Variants in LANCL2 observed in about 807,000 individuals in gnomAD.
The protein encoded by LANCL2 is LanC like glutathione S-transferase 2.
LANCL2 carries 33 observed loss-of-function variants against 56.9 expected under a neutral mutation model. That is an observed-to-expected ratio of 0.58 (90% CI 0.44 to 0.78). The LOEUF (loss-of-function observed/expected upper bound fraction) is 0.78. LANCL2 is among the 30% of genes least tolerant of loss of function. The pLI is 0.00. For missense variants in LANCL2, 562 were observed against 580.2 expected, an observed-to-expected ratio of 0.97 and a Z score of 0.32; for synonymous variants, 233 against 228.2, an observed-to-expected ratio of 1.02 and a Z score of -0.19.
intron 5 of LANCL2, among the ~76,000 whole-genome samples, chr7:55,411,667 A>G (rs1432079337): frequency 6.6e-6 from 1 of 152,196 alleles, no homozygotes; most frequent in Non-Finnish European, 1.5e-5. Flanking sequence ...TTCCTTTACT[A>G]CTCTCTTAGG....
At position 55,400,074 on chromosome 7, in the gene LANCL2, A is replaced by G; in HGVS notation, c.648A>G (p.Pro216=). 1 of 1,610,870 alleles carries G rather than the reference A, an allele frequency of 6.2e-7. No homozygotes were observed. The highest frequency in any genetic ancestry group is 2.2e-5 in the East Asian group (1 of 44,868). ...ALLYLNTEIG[P]GTVCESAIKE... ...TGTACCTGAACACAGAGATAGGTCCAGGCACCGTGTGTGAGTCAGCTATTA... is the reference window on the plus strand; with the variant it reads ...TGTACCTGAACACAGAGATAGGTCCGGGCACCGTGTGTGAGTCAGCTATTA... The change falls in exon 4 of 9, where the codon CCA becomes CCG. Residue 216 remains proline (P), a synonymous_variant. Transcript: ENST00000254770.
At chr7:55,384,072 G>T (rs192265299) in intron 1 of LANCL2, among the ~76,000 whole-genome samples, 2 of 151,852 alleles carry the variant, frequency 1.3e-5, no homozygotes, top group Admixed American at 1.3e-4. Context: ...ATTATCCAGT[G>T]TGCAAAACAG....
intron 2 of LANCL2, chr7:55,396,939 A>C (rs1164656673): frequency 6.6e-6 from 1 of 152,122 alleles, no homozygotes; most frequent in African/African-American, 2.4e-5. Context: ...ATATTTTTTG[A>C]ATACAGAAAA....
chr7:55,415,174 G>T (rs913755034), intron 6 of LANCL2, among the ~76,000 whole-genome samples: 2 of 152,064 alleles, frequency 1.3e-5, no homozygotes, highest in African/African-American at 4.8e-5. Flanking sequence ...ATTTGTGTGG[G>T]TTTAGCCACT....
At chr7:55,400,405 A>G (rs1030775303) in intron 4 of LANCL2, among the ~76,000 whole-genome samples, 6 of 152,214 alleles carry the variant, frequency 3.9e-5, no homozygotes, top group African/African-American at 1.2e-4. Flanking sequence ...TCAGGCTGGT[A>G]TGAGTGGGGA....
rs1790726776 is a variant in LANCL2 at position 55,431,469 on chromosome 7, A to G, written c.*149A>G. The G allele has an allele frequency of 1.8e-6, 1 of 548,026 alleles. No individual in the cohort carries two copies. Among genetic ancestry groups the G allele is most frequent in the Non-Finnish European group, 3.2e-6 (1 of 311,732 alleles). 33.9% of individuals were successfully genotyped at this position (548,026 alleles called of 1,614,324 possible). On this transcript the variant is annotated 3_prime_UTR_variant, in exon 9 of 9. Transcript: ENST00000254770. The stretch of plus-strand genomic sequence containing the variant: ...TAGACTAGCATGAGTGACCGAAGCC[A>G]TCCATCAACATTTTCTAACAGCACC...
chr7:55,400,000 C>T lies in LANCL2; in HGVS notation c.574C>T (p.Leu192Phe), dbSNP rs1357749238. ...QRSVVCQESD[L>F]PDELLYGRAG... ...ATCGGTTGTCTGCCAAGAATCAGACCTTCCTGATGAGCTGCTTTATGGACG... is the reference window on the plus strand; with the variant it reads ...ATCGGTTGTCTGCCAAGAATCAGACTTTCCTGATGAGCTGCTTTATGGACG... The change falls in exon 4 of 9, where the codon CTT (leucine) becomes TTT (phenylalanine). Residue 192 changes from leucine to phenylalanine, a missense_variant. By Grantham distance (22) the Leu-to-Phe change is conservative. Coordinates refer to ENST00000254770, the MANE Select transcript of LANCL2 (RefSeq NM_018697.4). 2 of 1,613,696 alleles carry T rather than the reference C, an allele frequency of 1.2e-6. No individual in the cohort carries two copies. The highest frequency in any genetic ancestry group is 1.7e-5 in the Admixed American group (1 of 60,008).
intron 1 of LANCL2, chr7:55,379,921 T>G (rs899884014): frequency 6.6e-6 from 1 of 152,266 alleles, no homozygotes; most frequent in Non-Finnish European, 1.5e-5. Flanking sequence ...ACTGTGTTTT[T>G]TGGTGTGCCA....
At chr7:55,395,733 C>T (rs577163779) in intron 2 of LANCL2, among the ~76,000 whole-genome samples, 1 of 152,348 alleles carries the variant, frequency 6.6e-6, no homozygotes, top group East Asian at 1.9e-4. Context: ...AACTAAACAG[C>T]TCTTCTTAGC....
At chr7:55,401,129 G>A (rs375331751) in intron 4 of LANCL2, 45 bp from the exon 5 acceptor site, 12 of 1,545,820 alleles carry the variant, frequency 7.8e-6, no homozygotes, top group Admixed American at 3.3e-5. Flanking sequence ...CTACAACAGG[G>A]TACATATACA....
intron 7 of LANCL2, 134 bp from the exon 8 acceptor site, chr7:55,428,241 C>A: frequency 1.4e-6 from 1 of 740,332 alleles, no homozygotes; most frequent in East Asian, 2.6e-5. Context: ...GTGCAGTAGC[C>A]CATGGAGCCC....
intron 5 of LANCL2, 50 bp downstream of exon 5, chr7:55,401,370 A>G: frequency 6.6e-7 from 1 of 1,512,268 alleles, no homozygotes; most frequent in Non-Finnish European, 9.1e-7. Flanking sequence ...CAAACATGAA[A>G]TGGGAAATGA....
intron 8 of LANCL2, among the ~76,000 whole-genome samples, chr7:55,430,389 T>C (rs981065849): frequency 1.3e-5 from 2 of 152,140 alleles, no homozygotes; most frequent in African/African-American, 4.8e-5. Context: ...ACTGTGGCCA[T>C]GCTCATAAGA....
At chr7:55,427,613 T>C (rs1286396633) in intron 7 of LANCL2, among the ~76,000 whole-genome samples, 1 of 152,152 alleles carries the variant, frequency 6.6e-6, no homozygotes, top group East Asian at 1.9e-4. Flanking sequence ...CTCGGAAAAC[T>C]GGGTAGATGG....
rs549520583 is a variant in LANCL2, at chr7:55,372,446, T to C, written c.204+6217T>C. Among the ~76,000 whole-genome samples, 144 of 81,064 alleles carry C rather than the reference T, an allele frequency of 1.8e-3. 1 individual carries two copies. The highest frequency in any genetic ancestry group is 5.0e-3 in the African/African-American group (140 of 28,018). The allele number at this position is 81,064 out of a possible 152,430, so 53.2% of individuals were successfully genotyped here. ...GATGTAAATGGTTAAATTGAAAGGC[T>C]AACTGAGGTTCTTAATATAACATAG... On this transcript the variant is annotated intron_variant, in intron 1 of 8. Transcript: ENST00000254770.
chr7:55,397,474 A>G (rs55925648), intron 2 of LANCL2, among the ~76,000 whole-genome samples: 36,083 of 148,064 alleles, frequency 0.24, 5,671 homozygotes, highest in Non-Finnish European at 0.35. Context: ...AAAAAAAAAA[A>G]AAAAAAGCAA....
At chr7:55,423,303 A>AGCAGCC (rs1475599152) in intron 6 of LANCL2, among the ~76,000 whole-genome samples, 3 of 152,206 alleles carry the variant, frequency 2.0e-5, no homozygotes, top group African/African-American at 7.2e-5. Context: ...GCATGGCTCT[A>AGCAGCC]GCAGCCTCAG....
intron 7 of LANCL2, 32 bp downstream of exon 7, chr7:55,425,462 A>G (rs1790654435): frequency 1.2e-6 from 2 of 1,603,876 alleles, no homozygotes; most frequent in South Asian, 2.2e-5. Flanking sequence ...CTGCTTCTGA[A>G]CAACCCCGAG....
chr7:55,402,757 T>C (rs868092120), intron 5 of LANCL2, among the ~76,000 whole-genome samples: 194 of 96,302 alleles, frequency 2.0e-3, no homozygotes, highest in African/African-American at 8.4e-3. Flanking sequence ...TCCTCACTTC[T>C]CAGACGGGGC....
Sources: gnomAD v4.1 joint callset for allele counts (sites outside exome capture counted in the v4.1 genomes callset) on GRCh38, gnomAD v4.1.1 for gene constraint, MANE v1.5 for transcripts, NCBI Gene and HGNC (gene_info 2026-07-23, HGNC 2026-07-21) for gene names.